The following MYLK variants were observed in gnomAD, a reference collection of about 807,000 sequenced individuals.
MYLK encodes myosin light chain kinase, also known as myosin light chain kinase, smooth muscle.
MYLK carries 106 observed loss-of-function variants against 203.4 expected under a neutral mutation model. The ratio of observed to expected loss-of-function variants is 0.52; its 90% CI spans 0.45 to 0.61. The LOEUF is 0.61. MYLK is among the 20% of genes least tolerant of loss of function. The probability of loss-of-function intolerance (pLI) is 0.00; values close to 1 mark genes in which losing one functional copy is unlikely to be tolerated. For synonymous variants in MYLK, 867 were observed against 959.5 expected, an observed-to-expected ratio of 0.90 and a Z score of 1.78; for missense variants, 2,072 against 2,442.3, an observed-to-expected ratio of 0.85 and a Z score of 3.20.
In MYLK at chr3:123,702,651, T is replaced by G. The variant is rs2061289430; in HGVS notation, c.2391-1142A>C. On this transcript the variant is annotated intron_variant, in intron 16 of 33. Coordinates refer to ENST00000360304, the MANE Select transcript of MYLK (RefSeq NM_053025.4). ...TAATCTTAGAACAGCTCTGTGAGAT[T>G]AGAGTCACCACTGTTTTTATAAGGT... Among the ~76,000 whole-genome samples, 3 of 152,152 alleles carry G rather than the reference T, an allele frequency of 2.0e-5. No homozygotes were observed. The South Asian group carries it at 6.2e-4, about 32-fold the overall frequency.
At chr3:123,775,844 T>A (rs2064054654) in intron 4 of MYLK, among the ~76,000 whole-genome samples, 1 of 152,156 alleles carries the variant, frequency 6.6e-6, no homozygotes, top group African/African-American at 2.4e-5. Flanking sequence ...CTCCTTAAAC[T>A]CACGGCTCTC....
At chr3:123,708,210 C>T (rs2061538804) in intron 15 of MYLK, among the ~76,000 whole-genome samples, 1 of 152,214 alleles carries the variant, frequency 6.6e-6, no homozygotes, top group Non-Finnish European at 1.5e-5. Context: ...ATAATATTAA[C>T]ATGACTGTAT....
intron 2 of MYLK, among the ~76,000 whole-genome samples, chr3:123,852,205 T>C (rs945477899): frequency 6.6e-6 from 1 of 152,216 alleles, no homozygotes; most frequent in Non-Finnish European, 1.5e-5. Context: ...TCTAAAATTC[T>C]CTTTTTTGTT....
At chr3:123,664,637 G>A (rs939844174) in intron 22 of MYLK, among the ~76,000 whole-genome samples, 1 of 152,206 alleles carries the variant, frequency 6.6e-6, no homozygotes, top group Non-Finnish European at 1.5e-5. Flanking sequence ...AGCCTCTTCT[G>A]TGCTGTCCAA....
At chr3:123,841,006 T>C (rs2066579318) in intron 2 of MYLK, among the ~76,000 whole-genome samples, 1 of 152,104 alleles carries the variant, frequency 6.6e-6, no homozygotes, top group East Asian at 1.9e-4. Flanking sequence ...AACAGATACA[T>C]GGTGGAGACT....
intron 2 of MYLK, among the ~76,000 whole-genome samples, chr3:123,857,434 T>C (rs1577134476): frequency 2.0e-5 from 3 of 151,976 alleles, no homozygotes; most frequent in Admixed American, 2.0e-4. Flanking sequence ...TAAGAAAATG[T>C]GGCACATATA....
chr3:123,865,505 G>C (rs2032267799), intron 2 of MYLK, among the ~76,000 whole-genome samples: 1 of 152,204 alleles, frequency 6.6e-6, no homozygotes, highest in Non-Finnish European at 1.5e-5. Context: ...CTGTGTTCGT[G>C]CATTCATTCA....
At chr3:123,716,185 G>C (rs1385322124) in intron 13 of MYLK, 1 of 152,124 alleles carries the variant, frequency 6.6e-6, no homozygotes, top group East Asian at 1.9e-4. Context: ...CTAAATTCCA[G>C]GATTGTTAAC....
At chr3:123,802,250 C>T (rs2065222642) in intron 3 of MYLK, among the ~76,000 whole-genome samples, 2 of 152,246 alleles carry the variant, frequency 1.3e-5, no homozygotes, top group South Asian at 4.1e-4. Flanking sequence ...CTCAGGGTTT[C>T]CTGCTGGCAT....
At chr3:123,765,956 T>C (rs1188188982) in intron 4 of MYLK, among the ~76,000 whole-genome samples, 3 of 152,196 alleles carry the variant, frequency 2.0e-5, no homozygotes, top group African/African-American at 4.8e-5. Flanking sequence ...GTGGGAACTT[T>C]CAGTTTTACA....
At chr3:123,660,952 G>C (rs765190614) in intron 23 of MYLK, among the ~76,000 whole-genome samples, 53 of 152,202 alleles carry the variant, frequency 3.5e-4, no homozygotes, top group Non-Finnish European at 6.6e-4. Context: ...TGGCTTTGCT[G>C]TATCCATCAA....
At chr3:123,676,577 T>C (rs554085334) in intron 20 of MYLK, among the ~76,000 whole-genome samples, 5 of 152,298 alleles carry the variant, frequency 3.3e-5, no homozygotes, top group African/African-American at 9.6e-5. Flanking sequence ...GGCAAAGATA[T>C]CTGAGAGTCT....
At position 123,733,961 on chromosome 3, in the gene MYLK, G is replaced by A. The variant is rs2062584527; in HGVS notation, c.1035C>T (p.Ile345=). The part of the protein sequence containing the change: ...TPVLQKTSSS[I]TLQAARVQPE... ...GCTGAACTCTTGCGGCCTGCAGGGT[G>A]ATGGAGCTGGAAGTCTTCTGAAGGA... Residue 345 remains isoleucine, a synonymous_variant, in exon 10 of 34, where the codon ATC becomes ATT. Transcript: ENST00000360304. 1.2e-6 allele frequency: 2 copies of A among 1,614,078 alleles called. No homozygotes were observed. The highest frequency in any genetic ancestry group is 1.3e-5 in the African/African-American group (1 of 74,942).
chr3:123,682,181 C>T (rs1214917708), intron 20 of MYLK, 43 bp downstream of exon 20: 8 of 1,518,302 alleles, frequency 5.3e-6, no homozygotes, highest in South Asian at 4.7e-5. Flanking sequence ...GGGTGCCTGC[C>T]CCTGCCTCTG....
At chr3:123,619,002 C>T (rs1355682841) in intron 32 of MYLK, among the ~76,000 whole-genome samples, 9 of 152,318 alleles carry the variant, frequency 5.9e-5, no homozygotes, top group Admixed American at 5.9e-4. Context: ...ACTCCCCCTT[C>T]CCCTTATGCT....
intron 23 of MYLK, among the ~76,000 whole-genome samples, chr3:123,661,325 A>C (rs140626576): frequency 1.3e-5 from 2 of 152,296 alleles, no homozygotes; most frequent in African/African-American, 4.8e-5. Context: ...AGAGAACATC[A>C]AAGAAAAGTT....
intron 24 of MYLK, among the ~76,000 whole-genome samples, chr3:123,651,562 T>C (rs549952371): frequency 2.0e-5 from 3 of 152,168 alleles, no homozygotes; most frequent in Non-Finnish European, 4.4e-5. Flanking sequence ...GTGCCACATT[T>C]TCCCGGCGTG....
At chr3:123,832,937 T>A (rs2066378253) in intron 2 of MYLK, among the ~76,000 whole-genome samples, 1 of 152,084 alleles carries the variant, frequency 6.6e-6, no homozygotes, top group Non-Finnish European at 1.5e-5. Context: ...AATCCCTTAA[T>A]AAATCACAAA....
At chr3:123,751,351 C>A (rs1001783169) in intron 5 of MYLK, among the ~76,000 whole-genome samples, 11 of 152,124 alleles carry the variant, frequency 7.2e-5, no homozygotes, top group African/African-American at 2.7e-4. Flanking sequence ...CAATTTTTCT[C>A]CTAGAAGTTT....
Sources: gnomAD v4.1 joint callset for allele counts (sites outside exome capture counted in the v4.1 genomes callset) on GRCh38, gnomAD v4.1.1 for gene constraint, MANE v1.5 for transcripts, NCBI Gene and HGNC (gene_info 2026-07-23, HGNC 2026-07-21) for gene names.